The following SYN3 variants were observed in gnomAD, a reference collection of about 807,000 sequenced individuals.
The protein encoded by SYN3 is synapsin-3.
SYN3 carries 35 observed loss-of-function variants against 65.8 expected under a neutral mutation model. That is an observed-to-expected ratio of 0.53 (90% CI 0.41 to 0.70). The LOEUF is 0.70. Among genes scored for constraint, SYN3 ranks in the 30% least tolerant of loss-of-function variants. SYN3 has a pLI of 0.00. For missense variants in SYN3, 680 were observed against 749.0 expected (o/e 0.91, Z 1.08); for synonymous variants, 270 against 292.9 (o/e 0.92, Z 0.80).
chr22:32,615,448 A>AAAAAAAAAAAG, intron 6 of SYN3, among the ~76,000 whole-genome samples: 9 of 149,446 alleles, frequency 6.0e-5, no homozygotes, highest in African/African-American at 2.3e-4. Context: ...AAAAAAAAAA[A>AAAAAAAAAAAG]AAAGAAAAAA....
At chr22:32,640,860 C>T (rs1193016553) in intron 6 of SYN3, among the ~76,000 whole-genome samples, 3 of 151,840 alleles carry the variant, frequency 2.0e-5, no homozygotes, top group Non-Finnish European at 4.4e-5. Flanking sequence ...GAGCAAGACT[C>T]TGTCTCGGAA....
intron 6 of SYN3, among the ~76,000 whole-genome samples, chr22:32,740,099 A>G (rs1326392626): frequency 6.6e-6 from 1 of 152,236 alleles, no homozygotes; most frequent in African/African-American, 2.4e-5. Context: ...TGGTGAAGAG[A>G]AGATTCAGGG....
At chr22:32,726,106 A>G (rs1432135103) in intron 6 of SYN3, among the ~76,000 whole-genome samples, 3 of 152,070 alleles carry the variant, frequency 2.0e-5, no homozygotes, top group African/African-American at 7.2e-5. Flanking sequence ...TGAAATATTC[A>G]ATAAAGTCTA....
At chr22:32,514,482 T>C (rs1389989428) in intron 13 of SYN3, 1 of 152,252 alleles carries the variant, frequency 6.6e-6, no homozygotes, top group Admixed American at 6.5e-5. Flanking sequence ...TGGAATTCTT[T>C]TAGTGCCATC....
chr22:32,670,317 G>A (rs923873652), intron 6 of SYN3, among the ~76,000 whole-genome samples: 1 of 152,154 alleles, frequency 6.6e-6, no homozygotes, highest in Non-Finnish European at 1.5e-5. Context: ...AAGGAGAATA[G>A]AGATTTGAGG....
intron 9 of SYN3, among the ~76,000 whole-genome samples, chr22:32,536,661 C>T (rs2058170967): frequency 6.6e-6 from 1 of 152,174 alleles, no homozygotes; most frequent in African/African-American, 2.4e-5. Flanking sequence ...CAGTTCTAGG[C>T]TTTGGTTGAA....
intron 1 of SYN3, among the ~76,000 whole-genome samples, chr22:33,035,334 C>T (rs368687426): frequency 3.2e-5 from 2 of 62,494 alleles, no homozygotes; most frequent in East Asian, 1.3e-3. Flanking sequence ...CTCGGGACCC[C>T]CCCCCCCCCC....
In SYN3 at chr22:32,780,961, CCTTCCTTCCTTCCTTCCCTCCT is replaced by C. The variant is rs1326413729; in HGVS notation, c.711+83932_711+83953del. 5.2e-5 allele frequency among the ~76,000 whole-genome samples: 4 copies of C among 77,020 alleles called. No individual in the cohort carries two copies. In the East Asian group the frequency reaches 2.3e-3, roughly 44 times the overall value. 50.5% of individuals were successfully genotyped at this position (77,020 alleles called of 152,430 possible). On this transcript the variant is annotated intron_variant, in intron 6 of 13. Transcript: ENST00000358763. ...TCCTTCCTTCCTTCCTTCCTTCCTT[CCTTCCTTCCTTCCTTCCCTCCT>C]TCCTTCCTCTCTCTCACCCCCTTCT...
intron 2 of SYN3, among the ~76,000 whole-genome samples, chr22:33,004,918 G>A (rs1004134303): frequency 6.6e-6 from 1 of 152,136 alleles, no homozygotes; most frequent in African/African-American, 2.4e-5. Context: ...CATGTGTCAT[G>A]GGAGGGACCC....
At chr22:32,982,042 T>G (rs1255659370) in intron 2 of SYN3, among the ~76,000 whole-genome samples, 1 of 152,132 alleles carries the variant, frequency 6.6e-6, no homozygotes, top group Non-Finnish European at 1.5e-5. Flanking sequence ...TTTGATCCAG[T>G]TTCATTCTCA....
At chr22:32,549,912 A>G (rs1452323811) in intron 7 of SYN3, among the ~76,000 whole-genome samples, 2 of 150,438 alleles carry the variant, frequency 1.3e-5, no homozygotes, top group East Asian at 3.9e-4. Context: ...GCAATGAAGG[A>G]ATGAACCAAA....
chr22:32,545,613 T>G (rs1378060334), intron 7 of SYN3, among the ~76,000 whole-genome samples: 3 of 152,124 alleles, frequency 2.0e-5, no homozygotes, highest in Non-Finnish European at 2.9e-5. Context: ...CAGGCTGGAG[T>G]GCAATGGTGC....
intron 3 of SYN3, among the ~76,000 whole-genome samples, chr22:32,969,524 G>A (rs2051954719): frequency 6.6e-6 from 1 of 152,232 alleles, no homozygotes; most frequent in South Asian, 2.1e-4. Context: ...CCATCAGAAG[G>A]GACTAATGGC....
chr22:32,513,464 A>C lies in SYN3; in HGVS notation c.*228T>G. The stretch of plus-strand genomic sequence containing the variant: ...CCATCGCTCAGGCCTGTTTTGAGGA[A>C]CCTGGAGGCTCTCAAAGGCCCACCT... On this transcript the variant is annotated 3_prime_UTR_variant, in exon 14 of 14. Coordinates refer to ENST00000358763, the MANE Select transcript of SYN3 (RefSeq NM_003490.4). 1 of 500,490 alleles carries C rather than the reference A, an allele frequency of 2.0e-6. No homozygotes were observed. The highest frequency in any genetic ancestry group is 3.4e-6 in the Non-Finnish European group (1 of 294,098). 31.0% of individuals were successfully genotyped at this position (500,490 alleles called of 1,614,324 possible).
intron 6 of SYN3, among the ~76,000 whole-genome samples, chr22:32,752,214 T>G (rs1448853763): frequency 1.3e-5 from 2 of 152,224 alleles, no homozygotes; most frequent in East Asian, 3.8e-4. Context: ...GCAGCCATCC[T>G]TTATTAAGCA....
chr22:32,940,975 C>A (rs755706590), intron 3 of SYN3, among the ~76,000 whole-genome samples: 32 of 152,196 alleles, frequency 2.1e-4, no homozygotes, highest in Non-Finnish European at 4.4e-4. Context: ...CCTGAATAAA[C>A]TGATTAGATG....
chr22:32,869,953 C>G (rs2048805016), intron 4 of SYN3, among the ~76,000 whole-genome samples: 1 of 152,214 alleles, frequency 6.6e-6, no homozygotes, highest in Admixed American at 6.5e-5. Context: ...GGTCATCTGG[C>G]TCCAAGTCCA....
At chr22:32,767,155 C>T (rs62232860) in intron 6 of SYN3, among the ~76,000 whole-genome samples, 7,504 of 152,268 alleles carry the variant, frequency 0.049, 229 homozygotes, top group Non-Finnish European at 0.066. Flanking sequence ...GTACTTTGCA[C>T]ACCTGCCTAC....
intron 6 of SYN3, among the ~76,000 whole-genome samples, chr22:32,670,232 A>G (rs2060341874): frequency 6.6e-6 from 1 of 152,160 alleles, no homozygotes; most frequent in East Asian, 1.9e-4. Context: ...CTTGTTCCCA[A>G]TATAGAAATT....
Sources: allele counts gnomAD v4.1 joint callset (sites outside exome capture counted in the v4.1 genomes callset), GRCh38; gene constraint gnomAD v4.1.1; transcripts MANE v1.5; gene names NCBI Gene and HGNC (gene_info 2026-07-23, HGNC 2026-07-21).